Variants in RXFP2 observed in about 807,000 individuals in gnomAD.
RXFP2 encodes relaxin family peptide receptor 2, also known as relaxin receptor 2.
In RXFP2, 68 loss-of-function variants were observed where a neutral mutation model predicts 88.6. That is an observed-to-expected ratio of 0.77 (90% CI 0.63 to 0.94). RXFP2 has a LOEUF of 0.94. RXFP2 is among the 40% of genes least tolerant of loss of function. The probability of loss-of-function intolerance (pLI) is 0.00; values close to 1 mark genes in which losing one functional copy is unlikely to be tolerated. For synonymous variants in RXFP2, 329 were observed against 306.8 expected (o/e 1.07, Z -0.76); for missense variants, 791 against 893.9 (o/e 0.88, Z 1.47).
At position 31,739,584 on chromosome 13, in the gene RXFP2, A is replaced by C; in HGVS notation, c.-29A>C. 1 of 1,384,464 alleles carries C rather than the reference A, an allele frequency of 7.2e-7. No individual in the cohort carries two copies. Among genetic ancestry groups the C allele is most frequent in the Non-Finnish European group, 1.0e-6 (1 of 970,824 alleles). 85.8% of individuals were successfully genotyped at this position (1,384,464 alleles called of 1,614,324 possible). A position where few individuals can be genotyped will look rare whatever the true frequency, so the allele number is the denominator to read the frequency against. ...AACTCCTGCTGAGGTATAAGAGGATACGTCTAATAACTCAATTGCTGTAAA... is the reference window on the plus strand; with the variant it reads ...AACTCCTGCTGAGGTATAAGAGGATCCGTCTAATAACTCAATTGCTGTAAA... On this transcript the variant is annotated 5_prime_UTR_variant, in exon 1 of 18. Transcript: ENST00000298386.
At chr13:31,740,007 T>C (rs910111083) in intron 1 of RXFP2, among the ~76,000 whole-genome samples, 5 of 152,180 alleles carry the variant, frequency 3.3e-5, no homozygotes, top group African/African-American at 1.2e-4. Context: ...TTGGCATTTG[T>C]TCTGAAAAGT....
At chr13:31,775,280 T>C (rs1300561839) in intron 6 of RXFP2, 38 bp from the exon 7 acceptor site, 5 of 1,448,052 alleles carry the variant, frequency 3.5e-6, no homozygotes, top group Non-Finnish European at 4.9e-6. Context: ...AAATAGGGTA[T>C]TGAGTTTGCC....
chr13:31,766,925 C>T (rs1170338157), intron 5 of RXFP2, among the ~76,000 whole-genome samples: 2 of 152,112 alleles, frequency 1.3e-5, no homozygotes, highest in Non-Finnish European at 1.5e-5. Context: ...ACTGGAGGGG[C>T]TACACCTGCT....
chr13:31,744,119 T>C (rs553892722), intron 1 of RXFP2, among the ~76,000 whole-genome samples: 1 of 152,304 alleles, frequency 6.6e-6, no homozygotes, highest in South Asian at 2.1e-4. Context: ...GCCCGACCAG[T>C]GGTCACCATG....
chr13:31,765,957 T>G lies in RXFP2; in HGVS notation c.427T>G (p.Ser143Ala). The G allele has an allele frequency of 6.8e-7, 1 of 1,472,454 alleles. No homozygotes were observed. The highest frequency in any genetic ancestry group is 9.5e-7 in the Non-Finnish European group (1 of 1,057,998). The allele number at this position is 1,472,454 out of a possible 1,614,324, so 91.2% of individuals were successfully genotyped here. ...AGTTTGCTTTACATGTTATTTTAGG[T>G]CTCTTAAGAAAAACAAAATCCACAG... ...PMISNNVTLL[S>A]LKKNKIHSLP... is the part of the protein sequence containing the mutation. Residue 143 changes from serine to alanine, a missense_variant and splice_region_variant, in exon 5 of 18, where the codon TCT becomes GCT. Ser to Ala is a moderately conservative substitution (Grantham distance 99). Coordinates refer to ENST00000298386, the MANE Select transcript of RXFP2 (RefSeq NM_130806.5).
intron 17 of RXFP2, among the ~76,000 whole-genome samples, chr13:31,797,924 A>G (rs1234003890): frequency 6.6e-6 from 1 of 152,170 alleles, no homozygotes; most frequent in African/African-American, 2.4e-5. Context: ...AATTCCCTGA[A>G]CACACCTCTA....
rs1239345289 is a variant in RXFP2 at position 31,801,063 on chromosome 13, A to G, written c.2006-1083A>G. Reference sequence around the variant, plus strand: ...AGAAGAAATGGAAAAGGAAGAAGACATAGAGAGGAAGAACAGAAAGATACA... The same window carrying G: ...AGAAGAAATGGAAAAGGAAGAAGACGTAGAGAGGAAGAACAGAAAGATACA... On this transcript the variant is annotated intron_variant, in intron 17 of 17. Coordinates refer to ENST00000298386, the MANE Select transcript of RXFP2 (RefSeq NM_130806.5). 3.3e-5 allele frequency among the ~76,000 whole-genome samples: 5 copies of G among 151,910 alleles called. No homozygotes were observed. The East Asian group carries it at 9.6e-4, about 29-fold the overall frequency.
At chr13:31,773,672 G>C (rs1280303735) in intron 5 of RXFP2, among the ~76,000 whole-genome samples, 1 of 152,136 alleles carries the variant, frequency 6.6e-6, no homozygotes, top group Admixed American at 6.6e-5. Flanking sequence ...TCGTGACTCA[G>C]AGGCAAAGGC....
chr13:31,783,459 T>C (rs1384189655), intron 11 of RXFP2, among the ~76,000 whole-genome samples: 1 of 152,216 alleles, frequency 6.6e-6, no homozygotes, highest in African/African-American at 2.4e-5. Context: ...AATTTCTGAA[T>C]TAATCTCTCC....
intron 9 of RXFP2, among the ~76,000 whole-genome samples, chr13:31,779,487 T>C (rs1261351997): frequency 3.3e-5 from 5 of 152,190 alleles, no homozygotes; most frequent in African/African-American, 1.2e-4. Flanking sequence ...AGGTGCTCAA[T>C]AAGCCTTTGT....
intron 8 of RXFP2, among the ~76,000 whole-genome samples, chr13:31,777,820 A>C (rs1178248173): frequency 1.3e-5 from 2 of 152,218 alleles, no homozygotes; most frequent in Admixed American, 1.3e-4. Context: ...TTTTAATGGA[A>C]GAAAATGTGC....
Position 31,763,550 on chromosome 13 carries a change from A to T in RXFP2, c.320-1487A>T, listed in dbSNP as rs533304381. Among the ~76,000 whole-genome samples, 3 of 152,330 alleles carry T rather than the reference A, an allele frequency of 2.0e-5. No homozygotes were observed. In the East Asian group the frequency reaches 5.8e-4, roughly 29 times the overall value. On this transcript the variant is annotated intron_variant, in intron 3 of 17. Transcript: ENST00000298386. ...AATCATGTTCAGATAGAGGAGAAAGAATGATGATAAAAGAGTTACTGGTTA... is the reference window on the plus strand; with the variant it reads ...AATCATGTTCAGATAGAGGAGAAAGTATGATGATAAAAGAGTTACTGGTTA...
intron 1 of RXFP2, among the ~76,000 whole-genome samples, chr13:31,756,866 C>T (rs1871978508): frequency 6.6e-6 from 1 of 152,064 alleles, no homozygotes; most frequent in Non-Finnish European, 1.5e-5. Context: ...AGTAATTTCC[C>T]CACCTCGGCC....
rs1873813402 is a variant in RXFP2, at chr13:31,791,958, A to G, written c.1298A>G (p.Asn433Ser). Residue 433 changes from asparagine (N) to serine (S), a missense_variant, in exon 15 of 18, where the codon AAT becomes AGT. Coordinates refer to ENST00000298386, the MANE Select transcript of RXFP2 (RefSeq NM_130806.5). ...ATAGCTTTCATTACCTGCTTTGGAA[A>G]TCTTTTTGTCATTGGCATGAGATCT... Reference protein sequence around the residue: ...WVIAFITCFGNLFVIGMRSFI... With the variant: ...WVIAFITCFGSLFVIGMRSFI... 1 of 1,614,170 alleles carries G rather than the reference A, an allele frequency of 6.2e-7. No homozygotes were observed. The highest frequency in any genetic ancestry group is 1.7e-5 in the Admixed American group (1 of 60,020).
chr13:31,782,702 T>C lies in RXFP2; in HGVS notation c.884T>C (p.Phe295Ser). 1 of 1,612,322 alleles carries C rather than the reference T, an allele frequency of 6.2e-7. No individual in the cohort carries two copies. Among genetic ancestry groups the C allele is most frequent in the South Asian group, 1.1e-5 (1 of 91,046 alleles). ...VLFLPRNQIG[F>S]VPEKTFSSLK... ...TTTCTGCCTAGAAATCAAATTGGTT[T>C]TGTTCCAGAGAAGACATTTTCTTCA... is the stretch of plus-strand genomic sequence containing the variant. The change falls in exon 11 of 18, where the codon TTT (phenylalanine) becomes TCT (serine). Residue 295 changes from phenylalanine to serine, a missense_variant. Coordinates refer to ENST00000298386, the MANE Select transcript of RXFP2 (RefSeq NM_130806.5).
At chr13:31,742,474 G>A (rs2138377942) in intron 1 of RXFP2, among the ~76,000 whole-genome samples, 1 of 152,326 alleles carries the variant, frequency 6.6e-6, no homozygotes, top group South Asian at 2.1e-4. Context: ...CCCGAAGACT[G>A]ACCTGCTTGC....
intron 1 of RXFP2, among the ~76,000 whole-genome samples, chr13:31,755,794 C>T (rs1329749456): frequency 2.6e-5 from 4 of 152,220 alleles, no homozygotes; most frequent in East Asian, 3.9e-4. Context: ...GCCTAGCTGC[C>T]GGTAGTAAAT....
intron 11 of RXFP2, among the ~76,000 whole-genome samples, chr13:31,783,797 TTTG>T (rs1404001804): frequency 8.0e-5 from 2 of 24,910 alleles, no homozygotes; most frequent in East Asian, 7.5e-3. Flanking sequence ...AGAGGGGTTT[TTTG>T]TTTGTTTGTT....
At chr13:31,775,944 G>A (rs79539443) in intron 7 of RXFP2, among the ~76,000 whole-genome samples, 1,567 of 152,302 alleles carry the variant, frequency 0.01, 22 homozygotes, top group African/African-American at 0.036. Flanking sequence ...CTGCAGGTTG[G>A]CCTGGTCTAG....
Sources: allele counts gnomAD v4.1 joint callset (sites outside exome capture counted in the v4.1 genomes callset), GRCh38; gene constraint gnomAD v4.1.1; transcripts MANE v1.5; gene names NCBI Gene and HGNC (gene_info 2026-07-23, HGNC 2026-07-21).